Variants in ADCY2 observed in about 807,000 individuals in gnomAD.
ADCY2 encodes the protein adenylate cyclase 2, also known as adenylate cyclase type 2.
In ADCY2, 31 loss-of-function variants were observed where a neutral mutation model predicts 125.2. That is an observed-to-expected ratio of 0.25 (90% CI 0.19 to 0.33). ADCY2 has a LOEUF of 0.33. Ranked by LOEUF, ADCY2 falls within the 10% of genes least tolerant of loss-of-function variation. ADCY2 has a pLI of 1.00. For missense variants in ADCY2, 904 were observed against 1,418.2 expected, an observed-to-expected ratio of 0.64 and a Z score of 5.82; for synonymous variants, 512 against 548.4, an observed-to-expected ratio of 0.93 and a Z score of 0.93.
chr5:7,517,358 G>A (rs17826642), intron 2 of ADCY2, among the ~76,000 whole-genome samples: 12,688 of 152,218 alleles, frequency 0.083, 747 homozygotes, highest in Non-Finnish European at 0.13. Context: ...GATAGCATTC[G>A]ACTATCTGGA....
At chr5:7,780,024 T>C (rs1213631104) in intron 18 of ADCY2, among the ~76,000 whole-genome samples, 1 of 152,052 alleles carries the variant, frequency 6.6e-6, no homozygotes, top group Non-Finnish European at 1.5e-5. Context: ...GTGGCTCAAG[T>C]TTGGGAGAAG....
chr5:7,531,267 G>A (rs970299502), intron 3 of ADCY2, among the ~76,000 whole-genome samples: 20 of 152,088 alleles, frequency 1.3e-4, no homozygotes, highest in African/African-American at 4.1e-4. Flanking sequence ...CTACCCAGGC[G>A]ACCTGGAGGG....
In ADCY2 at chr5:7,815,916, G is replaced by A. The variant is rs537158988; in HGVS notation, c.2884-950G>A. On this transcript the variant is annotated intron_variant, in intron 22 of 24. Transcript: ENST00000338316. ...GAGACTGGAAACCAAAGATCAAGTC[G>A]TCAGCAAGGTTGGTCTCTCCTGAGG... 5.4e-4 allele frequency among the ~76,000 whole-genome samples: 82 copies of A among 152,316 alleles called. 1 individual carries two copies. In the South Asian group the frequency reaches 0.016, roughly 30 times the overall value.
intron 3 of ADCY2, among the ~76,000 whole-genome samples, chr5:7,624,003 C>A (rs16878840): frequency 1.3e-5 from 2 of 152,026 alleles, no homozygotes; most frequent in Non-Finnish European, 2.9e-5. Flanking sequence ...AATGTGGGTG[C>A]GTTTTAGGAA....
intron 2 of ADCY2, among the ~76,000 whole-genome samples, chr5:7,458,894 C>A (rs1306504487): frequency 6.6e-6 from 1 of 152,182 alleles, no homozygotes; most frequent in Non-Finnish European, 1.5e-5. Flanking sequence ...TGATAGAGGG[C>A]CGCTCATTAG....
intron 14 of ADCY2, among the ~76,000 whole-genome samples, chr5:7,740,738 A>G (rs1019241779): frequency 2.0e-5 from 3 of 152,116 alleles, no homozygotes; most frequent in Non-Finnish European, 4.4e-5. Flanking sequence ...ATGGAAATTG[A>G]AAGTATAGGC....
At chr5:7,454,048 C>A (rs984819955) in intron 2 of ADCY2, among the ~76,000 whole-genome samples, 1 of 152,110 alleles carries the variant, frequency 6.6e-6, no homozygotes, top group Non-Finnish European at 1.5e-5. Flanking sequence ...ATTATTTTAG[C>A]GAGACAGTTA....
At chr5:7,596,633 A>G (rs1737014545) in intron 3 of ADCY2, among the ~76,000 whole-genome samples, 1 of 152,098 alleles carries the variant, frequency 6.6e-6, no homozygotes. Context: ...TCACATCTTC[A>G]TCTTTAAGGT....
At chr5:7,734,938 G>A (rs574344938) in intron 14 of ADCY2, among the ~76,000 whole-genome samples, 1 of 152,170 alleles carries the variant, frequency 6.6e-6, no homozygotes, top group Non-Finnish European at 1.5e-5. Context: ...TCACATGGCA[G>A]AAAGAAATAG....
intron 19 of ADCY2, among the ~76,000 whole-genome samples, chr5:7,785,161 A>G (rs771936014): frequency 5.3e-5 from 8 of 152,374 alleles, no homozygotes; most frequent in Non-Finnish European, 1.2e-4. Context: ...TGTATTTGGA[A>G]CGAACCCATG....
intron 3 of ADCY2, among the ~76,000 whole-genome samples, chr5:7,528,170 A>G (rs970860661): frequency 6.6e-6 from 1 of 152,204 alleles, no homozygotes; most frequent in Non-Finnish European, 1.5e-5. Context: ...GAAAGTGCCT[A>G]AGGTGACTAA....
At chr5:7,596,284 C>A (rs529916315) in intron 3 of ADCY2, among the ~76,000 whole-genome samples, 5 of 151,996 alleles carry the variant, frequency 3.3e-5, no homozygotes, top group East Asian at 1.9e-4. Flanking sequence ...CTCCCCCCCC[C>A]CACCAGTTAG....
chr5:7,740,257 T>TA (rs1261574244), intron 14 of ADCY2, among the ~76,000 whole-genome samples: 2 of 151,744 alleles, frequency 1.3e-5, no homozygotes, highest in African/African-American at 2.4e-5. Context: ...ATTCAGCATT[T>TA]AAAAAAAAGA....
chr5:7,790,097 C>T (rs945490275), intron 20 of ADCY2, among the ~76,000 whole-genome samples: 1 of 152,248 alleles, frequency 6.6e-6, no homozygotes, highest in South Asian at 2.1e-4. Context: ...TTATGAGGCA[C>T]TAGGATCCCA....
chr5:7,804,196 A>T (rs1180562772), intron 21 of ADCY2, among the ~76,000 whole-genome samples: 1 of 152,184 alleles, frequency 6.6e-6, no homozygotes, highest in Admixed American at 6.5e-5. Context: ...ATAATTGATC[A>T]TAAATCATTC....
intron 2 of ADCY2, among the ~76,000 whole-genome samples, chr5:7,518,020 T>A (rs1744311971): frequency 6.6e-6 from 1 of 152,220 alleles, no homozygotes; most frequent in African/African-American, 2.4e-5. Flanking sequence ...AAAAACAGTA[T>A]CTTAATCGAA....
intron 3 of ADCY2, among the ~76,000 whole-genome samples, chr5:7,564,820 G>A (rs1044890461): frequency 3.3e-5 from 5 of 152,092 alleles, no homozygotes; most frequent in South Asian, 2.1e-4. Flanking sequence ...CAAAGCAAGC[G>A]GAAGGTTTTG....
intron 3 of ADCY2, among the ~76,000 whole-genome samples, chr5:7,606,427 A>G (rs1013056720): frequency 6.6e-6 from 1 of 152,212 alleles, no homozygotes; most frequent in Non-Finnish European, 1.5e-5. Context: ...GAAAAACACA[A>G]CTAATTATGT....
intron 3 of ADCY2, among the ~76,000 whole-genome samples, chr5:7,591,461 A>G (rs763972629): frequency 3.3e-5 from 5 of 152,230 alleles, no homozygotes; most frequent in Non-Finnish European, 2.9e-5. Flanking sequence ...GCTACTTACC[A>G]TGAATGAGTC....
Sources: allele counts gnomAD v4.1 joint callset (sites outside exome capture counted in the v4.1 genomes callset), GRCh38; gene constraint gnomAD v4.1.1; transcripts MANE v1.5; gene names NCBI Gene and HGNC (gene_info 2026-07-23, HGNC 2026-07-21).